Variants in EPB41L2 observed in about 807,000 individuals in gnomAD.
The protein encoded by EPB41L2 is band 4.1-like protein 2.
In EPB41L2, 43 loss-of-function variants were observed where a neutral mutation model predicts 113.0. The observed-to-expected ratio is 0.38, with a 90% confidence interval of 0.30 to 0.49. EPB41L2 has a LOEUF of 0.49. EPB41L2 is among the 20% of genes least tolerant of loss of function. The pLI is 0.95. For missense variants in EPB41L2, 1,147 were observed against 1,223.4 expected, an observed-to-expected ratio of 0.94 and a Z score of 0.93; for synonymous variants, 442 against 436.7, an observed-to-expected ratio of 1.01 and a Z score of -0.15.
At chr6:130,841,444 G>A (rs938930968) in intron 19 of EPB41L2, among the ~76,000 whole-genome samples, 4 of 152,120 alleles carry the variant, frequency 2.6e-5, no homozygotes, top group African/African-American at 9.7e-5. Context: ...TGTGATTTAC[G>A]TTTTGAAAAC....
chr6:130,931,227 T>C (rs947755403), intron 3 of EPB41L2, among the ~76,000 whole-genome samples: 1 of 152,132 alleles, frequency 6.6e-6, no homozygotes, highest in African/African-American at 2.4e-5. Context: ...ATTAATAAAA[T>C]TTATTAATCT....
At chr6:130,922,533 T>C (rs1407505236) in intron 4 of EPB41L2, among the ~76,000 whole-genome samples, 3 of 152,214 alleles carry the variant, frequency 2.0e-5, no homozygotes, top group Non-Finnish European at 2.9e-5. Flanking sequence ...AATTTGAATC[T>C]TATCACCAAC....
chr6:130,972,801 G>T (rs1391398454), intron 1 of EPB41L2, among the ~76,000 whole-genome samples: 1 of 151,924 alleles, frequency 6.6e-6, no homozygotes, highest in East Asian at 1.9e-4. Flanking sequence ...AAAAAGTAAG[G>T]TTTGCAGCCA....
At chr6:130,897,652 A>C (rs1346049642) in intron 8 of EPB41L2, among the ~76,000 whole-genome samples, 1 of 152,202 alleles carries the variant, frequency 6.6e-6, no homozygotes, top group African/African-American at 2.4e-5. Flanking sequence ...TTTTGGTCTC[A>C]AACATATTTT....
chr6:130,997,473 G>A (rs1336081035), intron 1 of EPB41L2, among the ~76,000 whole-genome samples: 7 of 152,132 alleles, frequency 4.6e-5, no homozygotes, highest in Non-Finnish European at 8.8e-5. Context: ...ACCACACAGA[G>A]CTACGAAGGG....
Position 130,956,254 on chromosome 6 carries a change from T to C in EPB41L2, c.232A>G (p.Ile78Val), listed in dbSNP as rs1271925494. Residue 78 changes from isoleucine to valine, a missense_variant, in exon 2 of 20, where the codon ATA (isoleucine) becomes GTA (valine). Transcript: ENST00000337057. The stretch of plus-strand genomic sequence containing the variant: ...TTTTGCTTCTTAAGCCATGGCGGTA[T>C]GAACCGAGAAATACCCCTGCTCTCC... ...TSESRGISRF[I>V]PPWLKKQKSY... is the part of the protein sequence containing the mutation. 1 of 1,614,090 alleles carries C rather than the reference T, an allele frequency of 6.2e-7. No individual in the cohort carries two copies. The highest frequency in any genetic ancestry group is 1.3e-5 in the African/African-American group (1 of 74,926).
chr6:130,896,601 C>T (rs76865355), intron 8 of EPB41L2, among the ~76,000 whole-genome samples: 12 of 152,280 alleles, frequency 7.9e-5, no homozygotes, highest in South Asian at 4.1e-4. Context: ...ATAGACACAA[C>T]GCAGATTCAA....
intron 3 of EPB41L2, among the ~76,000 whole-genome samples, chr6:130,945,811 C>T (rs1426959344): frequency 4.6e-5 from 7 of 152,008 alleles, no homozygotes; most frequent in Non-Finnish European, 1.0e-4. Flanking sequence ...TTCAACTAAA[C>T]CTTATTGTTT....
chr6:130,905,790 C>T (rs1797551348), intron 5 of EPB41L2, among the ~76,000 whole-genome samples: 2 of 152,102 alleles, frequency 1.3e-5, no homozygotes, highest in African/African-American at 4.8e-5. Flanking sequence ...AGAAAAATTC[C>T]TTGAATCCCA....
At chr6:130,980,201 A>G (rs894088033) in intron 1 of EPB41L2, among the ~76,000 whole-genome samples, 1 of 152,204 alleles carries the variant, frequency 6.6e-6, no homozygotes, top group South Asian at 2.1e-4. Flanking sequence ...ATAAAATATC[A>G]GAAGAGGGGA....
chr6:131,019,252 A>T (rs1788927985), intron 1 of EPB41L2, among the ~76,000 whole-genome samples: 1 of 152,180 alleles, frequency 6.6e-6, no homozygotes, highest in Non-Finnish European at 1.5e-5. Flanking sequence ...TAGGAAACAG[A>T]GTTTTGCATT....
intron 1 of EPB41L2, among the ~76,000 whole-genome samples, chr6:130,997,716 T>C (rs1783470379): frequency 1.3e-5 from 2 of 152,090 alleles, no homozygotes; most frequent in African/African-American, 4.8e-5. Context: ...AAGAGAACAA[T>C]GTTTCCAGTA....
intron 1 of EPB41L2, among the ~76,000 whole-genome samples, chr6:130,957,737 A>G (rs190292887): frequency 3.5e-4 from 53 of 152,328 alleles, no homozygotes; most frequent in Admixed American, 2.7e-3. Context: ...TTCATGTACC[A>G]TAAATTTCAC....
At chr6:131,034,444 CA>C (rs1477263308) in intron 1 of EPB41L2, among the ~76,000 whole-genome samples, 1 of 152,132 alleles carries the variant, frequency 6.6e-6, no homozygotes, top group Non-Finnish European at 1.5e-5. Context: ...CTCGTATCTA[CA>C]AAAAGTGCGA....
intron 1 of EPB41L2, among the ~76,000 whole-genome samples, chr6:130,982,832 A>G (rs1214939540): frequency 6.6e-6 from 1 of 152,234 alleles, no homozygotes; most frequent in African/African-American, 2.4e-5. Flanking sequence ...GTAGTCAAAG[A>G]AAATGAGGCT....
chr6:130,887,225 G>A (rs1269934827), intron 11 of EPB41L2, among the ~76,000 whole-genome samples: 2 of 152,066 alleles, frequency 1.3e-5, no homozygotes, highest in Admixed American at 6.6e-5. Context: ...TTTTGAAGCC[G>A]ATACATTTAT....
intron 13 of EPB41L2, 114 bp downstream of exon 13, chr6:130,880,030 A>T: frequency 1.4e-6 from 1 of 720,836 alleles, no homozygotes. Context: ...GAATTCCCCC[A>T]TGCACTGCAT....
At chr6:130,990,853 G>C (rs186733817) in intron 1 of EPB41L2, among the ~76,000 whole-genome samples, 41 of 145,728 alleles carry the variant, frequency 2.8e-4, no homozygotes, top group African/African-American at 1.0e-3. Context: ...TTGAGGTGGA[G>C]TCTCGCTCTG....
At chr6:130,902,556 T>C (rs968501765) in intron 6 of EPB41L2, among the ~76,000 whole-genome samples, 2 of 152,200 alleles carry the variant, frequency 1.3e-5, no homozygotes, top group African/African-American at 4.8e-5. Flanking sequence ...GGATTATATG[T>C]TTCCTTGACC....
Sources: gnomAD v4.1 joint callset for allele counts (sites outside exome capture counted in the v4.1 genomes callset) on GRCh38, gnomAD v4.1.1 for gene constraint, MANE v1.5 for transcripts, NCBI Gene and HGNC (gene_info 2026-07-23, HGNC 2026-07-21) for gene names.